Variants in GPHN observed in about 807,000 individuals in gnomAD.
GPHN encodes the protein gephyrin.
A neutral mutation model predicts 95.5 loss-of-function variants in GPHN; 17 were observed. The observed-to-expected ratio is 0.18, with a 90% CI of 0.12 to 0.27. The LOEUF (loss-of-function observed/expected upper bound fraction) is 0.27, where lower values mean the gene tolerates loss of function less well. Ranked by LOEUF, GPHN falls within the 10% of genes least tolerant of loss-of-function variation. The pLI, the probability that GPHN is intolerant of heterozygous loss-of-function variation, is 1.00. For synonymous variants in GPHN, 320 were observed against 322.5 expected (o/e 0.99, Z 0.08); for missense variants, 660 against 978.1 (o/e 0.67, Z 4.34).
the GPHN span, chr14:67,350,485 TTTC>T: frequency 2.8e-6 from 2 of 722,300 alleles, no homozygotes; most frequent in Non-Finnish European, 4.4e-6. Context: ...AAAAGAATTC[TTTC>T]TTATTATTAC....
At chr14:67,314,539 G>A in the GPHN span, among the ~76,000 whole-genome samples, 1 of 152,188 alleles carries the variant, frequency 6.6e-6, no homozygotes, top group Non-Finnish European at 1.5e-5. Context: ...AACAGTTACA[G>A]GACATTTCTC....
chr14:67,693,592 G>A, the GPHN span, among the ~76,000 whole-genome samples: 3 of 150,966 alleles, frequency 2.0e-5, no homozygotes, highest in African/African-American at 7.3e-5. Flanking sequence ...ACAAAGGGGA[G>A]CTGGGATTCA....
At chr14:67,648,022 A>G in the GPHN span, 1 of 1,572,234 alleles carries the variant, frequency 6.4e-7, no homozygotes, top group Non-Finnish European at 8.7e-7. Flanking sequence ...TATTTTAAGT[A>G]TTATTTTATC....
At chr14:66,737,140 T>C (rs977675933) in intron 2 of GPHN, among the ~76,000 whole-genome samples, 1 of 152,238 alleles carries the variant, frequency 6.6e-6, no homozygotes, top group African/African-American at 2.4e-5. Context: ...ATTTACAGTA[T>C]TTTTAGGTCT....
chr14:67,560,723 A>G, the GPHN span, among the ~76,000 whole-genome samples: 2 of 140,624 alleles, frequency 1.4e-5, no homozygotes, highest in Non-Finnish European at 3.1e-5. Context: ...GGATGAACAT[A>G]TATCTTTTTT....
the GPHN span, among the ~76,000 whole-genome samples, chr14:67,372,757 G>GGCAGGAGAATCACTTGAACCCAGGAT: frequency 6.6e-6 from 1 of 151,952 alleles, no homozygotes; most frequent in Non-Finnish European, 1.5e-5. Context: ...GAACCCAGGA[G>GGCAGGAGAATCACTTGAACCCAGGAT]GCAGAGGTTG....
chr14:67,044,139 C>A (rs1048692145), intron 10 of GPHN, among the ~76,000 whole-genome samples: 1 of 152,024 alleles, frequency 6.6e-6, no homozygotes, highest in Non-Finnish European at 1.5e-5. Context: ...GAGTTTGAAA[C>A]CAGCCTGGCC....
chr14:67,288,695 TA>T, the GPHN span, among the ~76,000 whole-genome samples: 1 of 152,152 alleles, frequency 6.6e-6, no homozygotes, highest in Non-Finnish European at 1.5e-5. Flanking sequence ...TTTAATCTCT[TA>T]GGGAATTCTT....
the GPHN span, among the ~76,000 whole-genome samples, chr14:67,290,698 A>ATTT: frequency 2.0e-5 from 3 of 152,028 alleles, no homozygotes; most frequent in Non-Finnish European, 2.9e-5. Flanking sequence ...GTGCCTAGAC[A>ATTT]TTTTTTATAT....
chr14:67,680,545 C>T, the GPHN span, among the ~76,000 whole-genome samples: 1 of 152,254 alleles, frequency 6.6e-6, no homozygotes, highest in East Asian at 1.9e-4. Flanking sequence ...CTCACTACAA[C>T]CTCCCCAGGC....
At position 66,746,000 on chromosome 14, in the gene GPHN, G is replaced by A. The variant is rs720148; in HGVS notation, c.144-30464G>A. Among the ~76,000 whole-genome samples the A allele has an allele frequency of 7.2e-5, 11 of 152,068 alleles. No individual in the cohort carries two copies. In the East Asian group the frequency reaches 2.1e-3, roughly 29 times the overall value. Reference sequence around the variant, plus strand: ...AGTCTCTGAGATATATCCAAGTTGTGTATGTCAATAATTTATTCATTTTTA... The same window carrying A: ...AGTCTCTGAGATATATCCAAGTTGTATATGTCAATAATTTATTCATTTTTA... On this transcript the variant is annotated intron_variant, in intron 2 of 22. Transcript: ENST00000478722.
At chr14:67,497,611 A>G in the GPHN span, among the ~76,000 whole-genome samples, 10 of 152,172 alleles carry the variant, frequency 6.6e-5, no homozygotes, top group South Asian at 2.1e-4. Context: ...TCAAGATCCT[A>G]ACTCCCTTTC....
the GPHN span, among the ~76,000 whole-genome samples, chr14:67,546,449 T>G: frequency 1.3e-5 from 2 of 152,202 alleles, no homozygotes; most frequent in African/African-American, 4.8e-5. Flanking sequence ...TTGCCCCGGC[T>G]GGAGTGCAGT....
At chr14:67,234,495 A>G in the GPHN span, among the ~76,000 whole-genome samples, 1,448 of 152,302 alleles carry the variant, frequency 9.5e-3, 24 homozygotes, top group African/African-American at 0.033. Context: ...GTGACTTTAC[A>G]TGTCAAGTTG....
chr14:66,839,296 A>G (rs914001628), intron 4 of GPHN, among the ~76,000 whole-genome samples: 4 of 152,262 alleles, frequency 2.6e-5, no homozygotes, highest in Admixed American at 6.5e-5. Context: ...TGATATACAA[A>G]GAAATAAATT....
chr14:66,639,134 A>G (rs1370238900), intron 1 of GPHN, among the ~76,000 whole-genome samples: 2 of 151,404 alleles, frequency 1.3e-5, no homozygotes, highest in Non-Finnish European at 2.9e-5. Flanking sequence ...ATATATATAT[A>G]TATGCATAGG....
the GPHN span, chr14:67,345,728 A>C: frequency 7.0e-7 from 1 of 1,436,018 alleles, no homozygotes; most frequent in Non-Finnish European, 9.8e-7. Flanking sequence ...GACTGTTACA[A>C]ATCAAACTAC....
At chr14:66,918,226 G>C in intron 6 of GPHN, among the ~76,000 whole-genome samples, 1 of 151,466 alleles carries the variant, frequency 6.6e-6, no homozygotes, top group East Asian at 1.9e-4. Flanking sequence ...TCTCTCTTTG[G>C]AGACATGGAC....
At chr14:66,972,284 AG>A (rs2069852799) in intron 9 of GPHN, among the ~76,000 whole-genome samples, 1 of 129,318 alleles carries the variant, frequency 7.7e-6, no homozygotes. Context: ...AAAAAAAAAA[AG>A]AAAGAAAAAA....
Sources: gnomAD v4.1 joint callset for allele counts (sites outside exome capture counted in the v4.1 genomes callset) on GRCh38, gnomAD v4.1.1 for gene constraint, MANE v1.5 for transcripts, NCBI Gene and HGNC (gene_info 2026-07-23, HGNC 2026-07-21) for gene names.